MED12L: variants seen among roughly 807,000 people sequenced by gnomAD.
MED12L encodes the protein mediator of RNA polymerase II transcription subunit 12-like protein.
Under a neutral mutation model 281.3 loss-of-function variants are expected in MED12L, and 60 were observed. The observed-to-expected ratio is 0.21, with a 90% confidence interval of 0.17 to 0.26. MED12L has a LOEUF of 0.26. Ranked by LOEUF, MED12L falls within the 10% of genes least tolerant of loss-of-function variation. MED12L has a pLI of 1.00. For synonymous variants in MED12L, 974 were observed against 987.2 expected (o/e 0.99, Z 0.25); for missense variants, 2,146 against 2,680.9 (o/e 0.80, Z 4.41).
intron 11 of MED12L, among the ~76,000 whole-genome samples, chr3:151,176,739 G>A (rs1271791577): frequency 1.3e-5 from 2 of 152,160 alleles, no homozygotes; most frequent in Admixed American, 1.3e-4. Context: ...TCAAAATGAT[G>A]CTAAGTGATA....
At chr3:151,225,596 A>T (rs958694404) in intron 16 of MED12L, among the ~76,000 whole-genome samples, 2 of 152,158 alleles carry the variant, frequency 1.3e-5, no homozygotes, top group African/African-American at 4.8e-5. Flanking sequence ...TTTGAAACGG[A>T]CACTCAAACC....
rs1719332643 is a variant in MED12L, at chr3:151,430,288, C to CA, written c.6409-11_6409-10insA. 1 of 1,613,876 alleles carries CA rather than the reference C, an allele frequency of 6.2e-7. No individual in the cohort carries two copies. Among genetic ancestry groups the CA allele is most frequent in the Non-Finnish European group, 8.5e-7 (1 of 1,179,932 alleles). On this transcript the variant is annotated splice_polypyrimidine_tract_variant and intron_variant, in intron 43 of 44. Transcript: ENST00000687756. ...GAATGATTTCTGTCCTTTCTCCTGT[C>CA]GCCATTACAGTTTCCCAGGCAAGGC...
chr3:151,123,081 C>T, intron 4 of MED12L, 107 bp downstream of exon 4: 2 of 966,116 alleles, frequency 2.1e-6, no homozygotes, highest in Admixed American at 2.9e-5. Flanking sequence ...AGACTGCAAG[C>T]CTATTGGCAG....
intron 16 of MED12L, among the ~76,000 whole-genome samples, chr3:151,262,490 C>T (rs1199511551): frequency 6.6e-6 from 1 of 152,164 alleles, no homozygotes; most frequent in Non-Finnish European, 1.5e-5. Flanking sequence ...CTTGCTCAGC[C>T]ATAGACTTTA....
At chr3:151,291,443 A>G (rs1327558889) in intron 16 of MED12L, among the ~76,000 whole-genome samples, 1 of 152,146 alleles carries the variant, frequency 6.6e-6, no homozygotes. Flanking sequence ...TTTCTACAAG[A>G]TCAGTTTCTC....
At chr3:151,152,239 A>G (rs1182070303) in intron 5 of MED12L, among the ~76,000 whole-genome samples, 3 of 151,770 alleles carry the variant, frequency 2.0e-5, no homozygotes, top group Admixed American at 6.6e-5. Context: ...AGCTGGGACT[A>G]TAGGTGTGTG....
In MED12L at chr3:151,377,140, A is replaced by G; in HGVS notation, c.4278A>G (p.Thr1426=). 6.2e-7 allele frequency: 1 copy of G among 1,613,904 alleles called. No individual in the cohort carries two copies. Among genetic ancestry groups the G allele is most frequent in the Non-Finnish European group, 8.5e-7 (1 of 1,179,912 alleles). ...CAAACAGTATTGGAAGTGCTGATAC[A>G]AGTAGCACGAGACAGAATGGAATAA... ...FNPNSIGSAD[T]SSTRQNGIKT... The change falls in exon 30 of 45, where the codon ACA becomes ACG. Residue 1426 remains threonine (T), a synonymous_variant. Transcript: ENST00000687756.
At chr3:151,288,713 A>G (rs1743867000) in intron 16 of MED12L, among the ~76,000 whole-genome samples, 1 of 152,208 alleles carries the variant, frequency 6.6e-6, no homozygotes, top group South Asian at 2.1e-4. Flanking sequence ...TTGATTTCAC[A>G]GTTCTGACAT....
intron 3 of MED12L, among the ~76,000 whole-genome samples, chr3:151,122,328 C>T (rs148092719): frequency 4.6e-5 from 7 of 152,118 alleles, no homozygotes; most frequent in East Asian, 1.9e-4. Context: ...GTGTAAATAC[C>T]GAGTTTCCTT....
At chr3:151,273,911 T>C (rs1741430729) in intron 16 of MED12L, among the ~76,000 whole-genome samples, 1 of 152,230 alleles carries the variant, frequency 6.6e-6, no homozygotes, top group Non-Finnish European at 1.5e-5. Context: ...TATTGAAAAC[T>C]TCACTGTGTT....
At chr3:151,219,476 T>G (rs1728897635) in intron 16 of MED12L, 1 of 152,218 alleles carries the variant, frequency 6.6e-6, no homozygotes, top group South Asian at 2.1e-4. Flanking sequence ...TTTTTCTTCA[T>G]AGCACTTCGA....
intron 27 of MED12L, among the ~76,000 whole-genome samples, chr3:151,375,531 A>G (rs1351317728): frequency 2.0e-5 from 3 of 152,218 alleles, no homozygotes; most frequent in African/African-American, 7.2e-5. Context: ...TGTATAAAAA[A>G]GAGATGTGCA....
intron 16 of MED12L, among the ~76,000 whole-genome samples, chr3:151,229,473 A>ATTTTT (rs59434401): frequency 1.1e-5 from 1 of 90,124 alleles, no homozygotes; most frequent in Non-Finnish European, 2.1e-5. Flanking sequence ...TGCCCGGCTA[A>ATTTTT]TTTTTTTTTT....
chr3:151,254,091 A>G (rs1048783378), intron 16 of MED12L, among the ~76,000 whole-genome samples: 1 of 151,898 alleles, frequency 6.6e-6, no homozygotes, highest in Non-Finnish European at 1.5e-5. Context: ...ATATAATGAA[A>G]AAAATAGAAG....
intron 6 of MED12L, among the ~76,000 whole-genome samples, chr3:151,157,452 C>A (rs1421530951): frequency 1.3e-5 from 2 of 151,948 alleles, no homozygotes; most frequent in Non-Finnish European, 2.9e-5. Context: ...TATGAAGATT[C>A]TCTTTGTTTT....
intron 16 of MED12L, 49 bp downstream of exon 16, chr3:151,193,715 A>G: frequency 6.9e-7 from 1 of 1,458,350 alleles, no homozygotes; most frequent in Non-Finnish European, 9.5e-7. Context: ...TTATTATAAG[A>G]TCAATAACTG....
rs1719609040 is a variant in MED12L, at chr3:151,158,740, G to C, written c.778G>C (p.Glu260Gln). 1 of 1,613,164 alleles carries C rather than the reference G, an allele frequency of 6.2e-7. No homozygotes were observed. The highest frequency in any genetic ancestry group is 1.7e-5 in the Admixed American group (1 of 59,960). ...EYLTWILDVL[E>Q]KIRPMDDDLL... ...TTTGACATGGATCCTGGATGTTTTA[G>C]AAAAGATCAGACCAATGGATGATGA... Residue 260 changes from glutamate to glutamine, a missense_variant, in exon 7 of 45, where the codon GAA becomes CAA. By Grantham distance (29) the Glu-to-Gln change is conservative. This residue lies in a region of MED12L where 722 missense variants were observed against 861.2 expected (regional missense o/e 0.84). Transcript: ENST00000687756.
Position 151,190,799 on chromosome 3 carries a change from C to T in MED12L, c.1836C>T (p.Phe612=). The T allele has an allele frequency of 2.5e-6, 4 of 1,614,190 alleles. No individual in the cohort carries two copies. The East Asian group carries it at 8.9e-5, about 36-fold the overall frequency. The change falls in exon 14 of 45, where the codon TTC becomes TTT. Residue 612 remains phenylalanine, a synonymous_variant. Coordinates refer to ENST00000687756, the MANE Select transcript of MED12L (RefSeq NM_001393769.1). Reference sequence around the variant, plus strand: ...GCGAGTTCATCCGCCATGATGTCTTCTCCCATGACGCATACATGTGTACCC... The same window carrying T: ...GCGAGTTCATCCGCCATGATGTCTTTTCCCATGACGCATACATGTGTACCC... ...LFCEFIRHDV[F]SHDAYMCTLI...
chr3:151,312,468 G>C lies in MED12L; in HGVS notation c.2251-37591G>C, dbSNP rs1747674680. Among the ~76,000 whole-genome samples, 2 of 152,068 alleles carry C rather than the reference G, an allele frequency of 1.3e-5. 1 individual carries two copies. The highest frequency in any genetic ancestry group is 1.3e-4 in the Admixed American group (2 of 15,272). ...TGGTATACTGGCCTTTGCTTTGGAG[G>C]CATTCCGAATCTTGATATAGTCAGT... On this transcript the variant is annotated intron_variant, in intron 16 of 44. Coordinates refer to ENST00000687756, the MANE Select transcript of MED12L (RefSeq NM_001393769.1).
Sources: allele counts gnomAD v4.1 joint callset (sites outside exome capture counted in the v4.1 genomes callset), GRCh38; gene constraint gnomAD v4.1.1; regional missense constraint gnomAD v4.1.1; transcripts MANE v1.5; gene names NCBI Gene and HGNC (gene_info 2026-07-23, HGNC 2026-07-21).